CNOT1: variants seen among roughly 807,000 people sequenced by gnomAD.
The protein encoded by CNOT1 is CCR4-NOT transcription complex subunit 1, also known as CCR4-associated factor 1.
In CNOT1, 15 loss-of-function variants were observed where a neutral mutation model predicts 273.8. That is an observed-to-expected ratio of 0.05 (90% CI 0.04 to 0.08). CNOT1 has a LOEUF of 0.08. Among genes scored for constraint, CNOT1 ranks in the 10% least tolerant of loss-of-function variants. CNOT1 has a pLI of 1.00. For missense variants in CNOT1, 1,644 were observed against 2,912.2 expected (o/e 0.56, Z 10.02); for synonymous variants, 1,022 against 1,005.5 (o/e 1.02, Z -0.31).
At position 58,576,593 on chromosome 16, in the gene CNOT1, G is replaced by C; in HGVS notation, c.1585-11C>G. 6.2e-7 allele frequency: 1 copy of C among 1,614,014 alleles called. No homozygotes were observed. The highest frequency in any genetic ancestry group is 8.5e-7 in the Non-Finnish European group (1 of 1,179,928). ...TGAGGGAGACTGTCCCTAAAAAGGG[G>C]AAGAAAGATTAAATAGCAATACTGC... is the stretch of plus-strand genomic sequence containing the variant. On this transcript the variant is annotated splice_polypyrimidine_tract_variant and intron_variant, in intron 13 of 48. Transcript: ENST00000317147.
chr16:58,569,570 T>C (rs1351124368), intron 16 of CNOT1, among the ~76,000 whole-genome samples: 2 of 150,846 alleles, frequency 1.3e-5, no homozygotes, highest in African/African-American at 4.9e-5. Context: ...TACTACACTC[T>C]ACAACATACC....
intron 47 of CNOT1, among the ~76,000 whole-genome samples, chr16:58,521,883 G>A (rs868453394): frequency 1.5e-4 from 23 of 152,216 alleles, no homozygotes; most frequent in South Asian, 2.1e-4. Flanking sequence ...CCCAGTAGGT[G>A]GAGGTTGTGG....
In CNOT1 at chr16:58,589,012, A is replaced by G; in HGVS notation, c.103-106T>C. 3 of 1,306,996 alleles carry G rather than the reference A, an allele frequency of 2.3e-6. No homozygotes were observed. In the South Asian group the frequency reaches 4.4e-5, roughly 19 times the overall value. The allele number at this position is 1,306,996 out of a possible 1,614,324, so 81.0% of individuals were successfully genotyped here. ...CCTCCAAGGCAAAATTCCAATTTAC[A>G]TTAGTTACTCATTTTTGAATTAAAG... On this transcript the variant is annotated intron_variant, in intron 2 of 48. Transcript: ENST00000317147.
intron 1 of CNOT1, among the ~76,000 whole-genome samples, chr16:58,602,843 A>G (rs987689964): frequency 6.6e-6 from 1 of 152,040 alleles, no homozygotes. Flanking sequence ...ATAGTGTCCA[A>G]ATTTGTATAA....
At chr16:58,625,112 G>A (rs541256827) in intron 1 of CNOT1, among the ~76,000 whole-genome samples, 93 of 152,116 alleles carry the variant, frequency 6.1e-4, no homozygotes, top group East Asian at 2.3e-3. Context: ...TAGGCCAGGC[G>A]CAGTGGCTCA....
chr16:58,595,747 CAG>C (rs1261023624), intron 2 of CNOT1, among the ~76,000 whole-genome samples: 1 of 152,110 alleles, frequency 6.6e-6, no homozygotes, highest in Non-Finnish European at 1.5e-5. Context: ...CTAGGGGTGA[CAG>C]AGTCAGTGAT....
chr16:58,555,808 T>A lies in CNOT1; in HGVS notation c.2580A>T (p.Pro860=). The A allele has an allele frequency of 6.2e-7, 1 of 1,614,062 alleles. No homozygotes were observed. The highest frequency in any genetic ancestry group is 8.5e-7 in the Non-Finnish European group (1 of 1,180,032). The change falls in exon 20 of 49, where the codon CCA becomes CCT. Residue 860 remains proline, a synonymous_variant. Coordinates refer to ENST00000317147, the MANE Select transcript of CNOT1 (RefSeq NM_016284.5). ...CCTCATCAACAGACATGGTTGGATG[T>A]GGTGGATGATTATATATTCGCTGGA... ...SYFQRIYNHP[P]HPTMSVDEVL...
chr16:58,544,022 T>C (rs2040176241), intron 30 of CNOT1, 119 bp from the exon 31 acceptor site: 1 of 1,430,964 alleles, frequency 7.0e-7, no homozygotes, highest in Non-Finnish European at 9.1e-7. Flanking sequence ...CAGTTTCTAC[T>C]TAAAGTTAAC....
rs148899550 is a variant in CNOT1, at chr16:58,537,375, C to T, written c.5415-155G>A. Among the ~76,000 whole-genome samples, 9 of 152,342 alleles carry T rather than the reference C, an allele frequency of 5.9e-5. No individual in the cohort carries two copies. The East Asian group carries it at 1.3e-3, about 23-fold the overall frequency. On this transcript the variant is annotated intron_variant, in intron 38 of 48. Transcript: ENST00000317147. ...ACTGAAACAAAACTATACTTAGTCT[C>T]TTATCCGCTTGCTCATGAGCATACA...
intron 10 of CNOT1, among the ~76,000 whole-genome samples, chr16:58,582,324 A>G (rs890767434): frequency 4.6e-5 from 7 of 152,180 alleles, no homozygotes; most frequent in East Asian, 1.9e-4. Context: ...GTTCCATTCT[A>G]GGCCAGGTAC....
intron 1 of CNOT1, among the ~76,000 whole-genome samples, chr16:58,619,354 G>A (rs1326648485): frequency 1.3e-5 from 2 of 151,304 alleles, no homozygotes; most frequent in Non-Finnish European, 1.5e-5. Flanking sequence ...CAGCAGAACT[G>A]CAAATTTATT....
chr16:58,620,406 C>T (rs1469322361), intron 1 of CNOT1, among the ~76,000 whole-genome samples: 5 of 151,904 alleles, frequency 3.3e-5, no homozygotes, highest in Non-Finnish European at 5.9e-5. Flanking sequence ...TTTGGGAGGC[C>T]GAGGTGGGCA....
In CNOT1 at chr16:58,599,404, C is replaced by T. The variant is rs1864033933; in HGVS notation, c.-67G>A. 2 of 1,599,794 alleles carry T rather than the reference C, an allele frequency of 1.3e-6. No individual in the cohort carries two copies. Among genetic ancestry groups the T allele is most frequent in the African/African-American group, 1.3e-5 (1 of 74,622 alleles). ...ATCACCATTATTCCCCTTTAGTCAC[C>T]TCAGAGGCAGGTTAATGCTTTCTTT... On this transcript the variant is annotated 5_prime_UTR_variant, in exon 2 of 49. Transcript: ENST00000317147.
intron 25 of CNOT1, among the ~76,000 whole-genome samples, chr16:58,548,276 G>A (rs960029275): frequency 3.9e-5 from 6 of 151,966 alleles, no homozygotes; most frequent in South Asian, 2.1e-4. Flanking sequence ...CTGATTCTCC[G>A]GTTACTGTTT....
chr16:58,537,352 T>C (rs1436455481), intron 38 of CNOT1, 132 bp from the exon 39 acceptor site: 3 of 1,320,732 alleles, frequency 2.3e-6, no homozygotes, highest in Non-Finnish European at 2.0e-6. Flanking sequence ...ACTTCCACAC[T>C]GAAACAAAAC....
chr16:58,626,980 A>G (rs1054304890), intron 1 of CNOT1, among the ~76,000 whole-genome samples: 16 of 152,120 alleles, frequency 1.1e-4, no homozygotes, highest in Admixed American at 4.6e-4. Flanking sequence ...GGCCAAAAAA[A>G]TTAGTCCCAA....
At chr16:58,615,729 G>C (rs1355829652) in intron 1 of CNOT1, among the ~76,000 whole-genome samples, 1 of 124,938 alleles carries the variant, frequency 8.0e-6, no homozygotes, top group Admixed American at 8.0e-5. Context: ...TACCAAGAAA[G>C]GAAAGATAAG....
At position 58,578,761 on chromosome 16, in the gene CNOT1, G is replaced by C; in HGVS notation, c.1522C>G (p.Pro508Ala). Reference sequence around the variant, plus strand: ...TTAGGATGGTTTCCAAGGAAAATTGGCATCAGAGTGGAGATAAGTTCATGG... The same window carrying C: ...TTAGGATGGTTTCCAAGGAAAATTGCCATCAGAGTGGAGATAAGTTCATGG... The part of the protein sequence containing the change: ...LRHELISTLM[P>A]IFLGNHPNSA... The change falls in exon 13 of 49, where the codon CCA becomes GCA. Residue 508 changes from proline (P) to alanine (A), a missense_variant. Physicochemically the swap from Pro to Ala is conservative, Grantham distance 27. Coordinates refer to ENST00000317147, the MANE Select transcript of CNOT1 (RefSeq NM_016284.5). The C allele has an allele frequency of 6.2e-7, 1 of 1,614,082 alleles. No individual in the cohort carries two copies. Among genetic ancestry groups the C allele is most frequent in the South Asian group, 1.1e-5 (1 of 91,074 alleles).
chr16:58,622,017 G>C (rs139249912), intron 1 of CNOT1, among the ~76,000 whole-genome samples: 96 of 147,972 alleles, frequency 6.5e-4, no homozygotes, highest in African/African-American at 2.1e-3. Flanking sequence ...TTCATCAATT[G>C]TAAGAAATGT....
Sources: gnomAD v4.1 joint callset for allele counts (sites outside exome capture counted in the v4.1 genomes callset) on GRCh38, gnomAD v4.1.1 for gene constraint, MANE v1.5 for transcripts, NCBI Gene and HGNC (gene_info 2026-07-23, HGNC 2026-07-21) for gene names.